Variants in UHRF2 observed in about 807,000 individuals in gnomAD.
UHRF2 encodes the protein ubiquitin like with PHD and ring finger domains 2.
UHRF2 carries 23 observed loss-of-function variants against 96.8 expected under a neutral mutation model. That is an observed-to-expected ratio of 0.24 (90% CI 0.17 to 0.34). The LOEUF is 0.34. Ranked by LOEUF, UHRF2 falls within the 10% of genes least tolerant of loss-of-function variation. UHRF2 has a pLI of 1.00. For missense variants in UHRF2, 685 were observed against 981.5 expected (o/e 0.70, Z 4.04); for synonymous variants, 385 against 332.6 (o/e 1.16, Z -1.72).
chr9:6,481,972 G>T lies in UHRF2; in HGVS notation c.1285-20G>T. ...AATTTAACATAACTGATTTCTCAAC[G>T]TTTGTTTTGCGTCTTGTAGGGAATG... On this transcript the variant is annotated intron_variant, in intron 7 of 15. Transcript: ENST00000276893. The T allele has an allele frequency of 6.2e-7, 1 of 1,606,252 alleles. No homozygotes were observed. The highest frequency in any genetic ancestry group is 8.5e-7 in the Non-Finnish European group (1 of 1,176,670).
intron 4 of UHRF2, among the ~76,000 whole-genome samples, chr9:6,473,977 G>A (rs1823406487): frequency 6.6e-6 from 1 of 152,164 alleles, no homozygotes; most frequent in South Asian, 2.1e-4. Flanking sequence ...ATTTCAAGGA[G>A]GAAAGAGATG....
At chr9:6,422,516 A>T in intron 2 of UHRF2, 1 of 426,068 alleles carries the variant, frequency 2.3e-6, no homozygotes, top group Non-Finnish European at 4.3e-6. Flanking sequence ...TTCTATGGAG[A>T]TTGCATCTAT....
chr9:6,437,321 C>G (rs887588418), intron 3 of UHRF2, among the ~76,000 whole-genome samples: 2 of 151,736 alleles, frequency 1.3e-5, no homozygotes, highest in African/African-American at 2.4e-5. Context: ...CAACCTCTGC[C>G]TTGCAGGTTC....
intron 9 of UHRF2, among the ~76,000 whole-genome samples, chr9:6,488,737 G>T (rs1272892297): frequency 6.6e-6 from 1 of 151,000 alleles, no homozygotes; most frequent in Non-Finnish European, 1.5e-5. Flanking sequence ...CCTGGCCTCA[G>T]GTGATCTGCC....
chr9:6,489,385 G>GT, intron 9 of UHRF2, among the ~76,000 whole-genome samples: 1 of 152,316 alleles, frequency 6.6e-6, no homozygotes, highest in African/African-American at 2.4e-5. Context: ...TTGTGAACAG[G>GT]TTTTTTGTAA....
At chr9:6,490,279 T>C (rs1824581325) in intron 9 of UHRF2, among the ~76,000 whole-genome samples, 1 of 152,234 alleles carries the variant, frequency 6.6e-6, no homozygotes, top group South Asian at 2.1e-4. Flanking sequence ...AGATAATTTA[T>C]GTGGCCCTTT....
In UHRF2 at chr9:6,481,777, A is replaced by G. The variant is rs1222985555; in HGVS notation, c.1284+11A>G. ...AGAGACTGGGGCAGGGTAAAGAAGA[A>G]ATTCCCCTTTTCTTCCTAATAGCAA... On this transcript the variant is annotated intron_variant, in intron 7 of 15. Coordinates refer to ENST00000276893, the MANE Select transcript of UHRF2 (RefSeq NM_152896.3). The G allele has an allele frequency of 6.2e-7, 1 of 1,601,462 alleles. No homozygotes were observed. The highest frequency in any genetic ancestry group is 8.5e-7 in the Non-Finnish European group (1 of 1,176,876).
rs1823499629 is a variant in UHRF2, at chr9:6,475,290, T to C, written c.864-101T>C. 3 of 599,072 alleles carry C rather than the reference T, an allele frequency of 5.0e-6. No individual in the cohort carries two copies. The East Asian group carries it at 8.9e-5, about 18-fold the overall frequency. The allele number at this position is 599,072 out of a possible 1,614,324, so 37.1% of individuals were successfully genotyped here. A position where few individuals can be genotyped will look rare whatever the true frequency, so the allele number is the denominator to read the frequency against. On this transcript the variant is annotated intron_variant, in intron 4 of 15. Coordinates refer to ENST00000276893, the MANE Select transcript of UHRF2 (RefSeq NM_152896.3). Reference sequence around the variant, plus strand: ...AATAGCTCTAATCTCAATTTATAAATAGACAGATTTCAGTGAGATTCCAAA... The same window carrying C: ...AATAGCTCTAATCTCAATTTATAAACAGACAGATTTCAGTGAGATTCCAAA...
intron 9 of UHRF2, among the ~76,000 whole-genome samples, chr9:6,488,540 CTTTTTTTTTTTTTTTT>C (rs58280407): frequency 2.4e-5 from 2 of 83,822 alleles, no homozygotes; most frequent in African/African-American, 4.8e-5. Context: ...TTTTTCTTTT[CTTTTTTTTTTTTTTTT>C]TTTTTTTTGA....
At chr9:6,441,030 C>A (rs1459844684) in intron 3 of UHRF2, among the ~76,000 whole-genome samples, 2 of 152,164 alleles carry the variant, frequency 1.3e-5, no homozygotes, top group Non-Finnish European at 2.9e-5. Context: ...TGCCTTAGTT[C>A]ATTGATTCTC....
intron 6 of UHRF2, 89 bp downstream of exon 6, chr9:6,477,897 A>G: frequency 4.1e-6 from 5 of 1,226,280 alleles, no homozygotes; most frequent in Non-Finnish European, 5.7e-6. Flanking sequence ...TTCTAAAGAT[A>G]CATAATATAA....
Position 6,481,669 on chromosome 9 carries a change from C to G in UHRF2, c.1187C>G (p.Ser396Cys), listed in dbSNP as rs755266770. Residue 396 changes from serine to cysteine, a missense_variant, in exon 7 of 16, where the codon TCC becomes TGC. Ser to Cys is a moderately radical substitution (Grantham distance 112, BLOSUM62 -1). This residue lies in a region of UHRF2 where 391 missense variants were observed against 437.0 expected (regional missense o/e 0.89). Coordinates refer to ENST00000276893, the MANE Select transcript of UHRF2 (RefSeq NM_152896.3). ...YWYCPSCKTD[S>C]SEVVKAGERL... ...TATTGTCCTTCTTGTAAAACTGATT[C>G]CAGTGAAGTTGTAAAGGCTGGTGAA... 1.9e-6 allele frequency: 3 copies of G among 1,612,890 alleles called. No homozygotes were observed. Among genetic ancestry groups the G allele is most frequent in the Non-Finnish European group, 2.5e-6 (3 of 1,179,566 alleles).
At chr9:6,414,945 T>C (rs1819504582) in intron 1 of UHRF2, among the ~76,000 whole-genome samples, 1 of 152,248 alleles carries the variant, frequency 6.6e-6, no homozygotes, top group African/African-American at 2.4e-5. Context: ...GCTTTTGAAA[T>C]AATTGTACAC....
intron 3 of UHRF2, among the ~76,000 whole-genome samples, chr9:6,438,729 A>G (rs199871077): frequency 2.0e-5 from 3 of 152,250 alleles, no homozygotes; most frequent in Non-Finnish European, 4.4e-5. Context: ...TGTTTTTTAT[A>G]GTAATCTACG....
chr9:6,446,792 C>T (rs998391240), intron 3 of UHRF2, among the ~76,000 whole-genome samples: 1 of 151,954 alleles, frequency 6.6e-6, no homozygotes, highest in African/African-American at 2.4e-5. Context: ...TTACAGTGAG[C>T]TGAAATGGCG....
intron 4 of UHRF2, 22 bp downstream of exon 4, chr9:6,460,813 C>A: frequency 6.3e-7 from 1 of 1,587,370 alleles, no homozygotes; most frequent in Non-Finnish European, 8.6e-7. Flanking sequence ...TTCACTGGTG[C>A]CATTTAATTA....
At chr9:6,425,650 CTA>C (rs1347999478) in intron 2 of UHRF2, among the ~76,000 whole-genome samples, 1 of 152,090 alleles carries the variant, frequency 6.6e-6, no homozygotes, top group Non-Finnish European at 1.5e-5. Context: ...GTAATCCCAG[CTA>C]CTCGGGAGGC....
chr9:6,448,626 A>G (rs990038132), intron 3 of UHRF2, among the ~76,000 whole-genome samples: 1 of 152,344 alleles, frequency 6.6e-6, no homozygotes, highest in East Asian at 1.9e-4. Context: ...TAAGAGGAGG[A>G]TGGAGGCAAG....
At chr9:6,482,818 G>A (rs11787605) in intron 8 of UHRF2, among the ~76,000 whole-genome samples, 2 of 152,082 alleles carry the variant, frequency 1.3e-5, no homozygotes, top group African/African-American at 2.4e-5. Flanking sequence ...GGATGGTCTC[G>A]ATCTCCTAAC....
Sources: allele counts gnomAD v4.1 joint callset (sites outside exome capture counted in the v4.1 genomes callset), GRCh38; gene constraint gnomAD v4.1.1; regional missense constraint gnomAD v4.1.1; transcripts MANE v1.5; gene names NCBI Gene and HGNC (gene_info 2026-07-23, HGNC 2026-07-21).